The following C3orf33 variants were observed in gnomAD, a reference collection of about 807,000 sequenced individuals.
C3orf33 encodes the protein AP-1 activity suppressor.
Under a neutral mutation model 28.7 loss-of-function variants are expected in C3orf33, and 23 were observed. That is an observed-to-expected ratio of 0.80 (90% CI 0.58 to 1.13). C3orf33 has a LOEUF of 1.13. C3orf33 is among the 50% of genes most tolerant of loss of function. The probability of loss-of-function intolerance (pLI) is 0.00; values close to 1 mark genes in which losing one functional copy is unlikely to be tolerated. For synonymous variants in C3orf33, 119 were observed against 120.5 expected, an observed-to-expected ratio of 0.99 and a Z score of 0.08; for missense variants, 327 against 353.4, an observed-to-expected ratio of 0.93 and a Z score of 0.60.
chr3:155,790,420 A>G (rs1444215148), intron 2 of C3orf33, among the ~76,000 whole-genome samples: 1 of 152,124 alleles, frequency 6.6e-6, no homozygotes, highest in African/African-American at 2.4e-5. Context: ...AATTAAAAAA[A>G]GAAAAAGAAA....
intron 2 of C3orf33, among the ~76,000 whole-genome samples, chr3:155,789,332 G>C (rs1463175357): frequency 7.6e-6 from 1 of 131,914 alleles, no homozygotes; most frequent in East Asian, 2.2e-4. Context: ...GCAACAGAGT[G>C]AGACTCTGTC....
intron 2 of C3orf33, among the ~76,000 whole-genome samples, chr3:155,801,423 C>T (rs146591583): frequency 6.6e-6 from 1 of 152,160 alleles, no homozygotes; most frequent in Non-Finnish European, 1.5e-5. Context: ...TTTGTATATG[C>T]ATGTTCATAG....
At chr3:155,784,872 TC>T (rs2109267147) in intron 2 of C3orf33, among the ~76,000 whole-genome samples, 1 of 151,814 alleles carries the variant, frequency 6.6e-6, no homozygotes, top group South Asian at 2.1e-4. Flanking sequence ...CAGAAGTCCC[TC>T]CTTATCATTA....
intron 3 of C3orf33, 73 bp from the exon 4 acceptor site, chr3:155,767,742 C>T (rs1750457249): frequency 9.5e-7 from 1 of 1,049,638 alleles, no homozygotes; most frequent in African/African-American, 1.6e-5. Flanking sequence ...CAGTTGGCCT[C>T]CAACAAACAA....
intron 2 of C3orf33, among the ~76,000 whole-genome samples, chr3:155,781,464 T>C (rs555038871): frequency 4.1e-4 from 62 of 152,232 alleles, no homozygotes; most frequent in African/African-American, 1.4e-3. Flanking sequence ...AGTAAGTCAC[T>C]ATTACTTAAA....
rs932154681 is a variant in C3orf33 at position 155,806,241 on chromosome 3, C to T, written c.12G>A (p.Gln4=). The change falls in exon 1 of 5, where the codon CAG becomes CAA. Residue 4 remains glutamine, a synonymous_variant. Transcript: ENST00000340171. The part of the protein sequence containing the change: MAG[Q]PAATGSPSAD... Reference sequence around the variant, plus strand: ...CAGACGGCGAGCCGGTGGCCGCGGGCTGCCCCGCCATGTTCCCGGCCTCCT... The same window carrying T: ...CAGACGGCGAGCCGGTGGCCGCGGGTTGCCCCGCCATGTTCCCGGCCTCCT... 1.4e-6 allele frequency: 2 copies of T among 1,461,104 alleles called. No homozygotes were observed. The highest frequency in any genetic ancestry group is 9.0e-7 in the Non-Finnish European group (1 of 1,105,474). The allele number at this position is 1,461,104 out of a possible 1,614,324, so 90.5% of individuals were successfully genotyped here.
chr3:155,768,481 TGAA>T (rs1750481120), intron 3 of C3orf33, among the ~76,000 whole-genome samples: 1 of 152,222 alleles, frequency 6.6e-6, no homozygotes, highest in South Asian at 2.1e-4. Flanking sequence ...TAGCATAATA[TGAA>T]GAAGACCTGT....
intron 2 of C3orf33, among the ~76,000 whole-genome samples, chr3:155,790,264 A>G (rs1230650172): frequency 1.3e-5 from 2 of 151,374 alleles, no homozygotes; most frequent in Non-Finnish European, 2.9e-5. Context: ...ATCTAACACT[A>G]TATAAAAAAA....
chr3:155,803,142 G>A (rs1338064361), intron 1 of C3orf33, among the ~76,000 whole-genome samples: 4 of 152,150 alleles, frequency 2.6e-5, no homozygotes, highest in African/African-American at 9.7e-5. Context: ...ATTAAGCGAT[G>A]TTTTTAAAGT....
intron 2 of C3orf33, among the ~76,000 whole-genome samples, chr3:155,783,780 TAA>T: frequency 6.6e-6 from 1 of 152,224 alleles, no homozygotes. Flanking sequence ...ACTACATTTT[TAA>T]AAGAGACAAT....
chr3:155,776,436 G>C (rs758957655), intron 2 of C3orf33, among the ~76,000 whole-genome samples: 1 of 152,004 alleles, frequency 6.6e-6, no homozygotes, highest in African/African-American at 2.4e-5. Flanking sequence ...TTTTTTCCAC[G>C]TTAACAATAC....
Position 155,775,816 on chromosome 3 carries a change from T to A in C3orf33, c.207A>T (p.Pro69=), listed in dbSNP as rs546184192. 1.9e-6 allele frequency: 3 copies of A among 1,595,712 alleles called. No individual in the cohort carries two copies. The highest frequency in any genetic ancestry group is 2.6e-6 in the Non-Finnish European group (3 of 1,166,008). ...TSKFTSSSDI[P]VEFIRRNVKL... ...TAACATTTCTTCTTATAAATTCTAC[T>A]GGAATATCCGAAGAGCTTGTAAATT... is the stretch of plus-strand genomic sequence containing the variant. Residue 69 remains proline (P), a synonymous_variant, in exon 3 of 5, where the codon CCA becomes CCT. Transcript: ENST00000340171.
At chr3:155,772,934 C>T (rs1750635976) in intron 3 of C3orf33, among the ~76,000 whole-genome samples, 1 of 151,880 alleles carries the variant, frequency 6.6e-6, no homozygotes, top group Admixed American at 6.6e-5. Context: ...AACCACAGAC[C>T]AAAAGTAGAA....
chr3:155,793,927 G>C (rs1041136890), intron 2 of C3orf33, among the ~76,000 whole-genome samples: 8 of 150,998 alleles, frequency 5.3e-5, no homozygotes, highest in African/African-American at 1.9e-4. Flanking sequence ...ACAAAGTATA[G>C]AGTTTTTTTA....
At chr3:155,782,629 C>A (rs998526177) in intron 2 of C3orf33, among the ~76,000 whole-genome samples, 3 of 152,014 alleles carry the variant, frequency 2.0e-5, no homozygotes, top group Non-Finnish European at 4.4e-5. Context: ...AACTATAAAC[C>A]AAGAATATTA....
chr3:155,768,924 C>A (rs1329555616), intron 3 of C3orf33, among the ~76,000 whole-genome samples: 6 of 152,086 alleles, frequency 3.9e-5, no homozygotes, highest in Admixed American at 3.3e-4. Context: ...TCCTGTAATC[C>A]CAGCACTTTG....
Position 155,763,750 on chromosome 3 carries a change from C to A in C3orf33, c.652G>T (p.Glu218Ter). The part of the protein sequence containing the change: ...ALKKGEGIWK[E>*]DSEKESYLEK... ...AAGTAACTTTCTTTTTCAGAGTCTTCCTTCCATATTCCTTCTCCTTTTTTT... is the reference window on the plus strand; with the variant it reads ...AAGTAACTTTCTTTTTCAGAGTCTTACTTCCATATTCCTTCTCCTTTTTTT... The change falls in exon 5 of 5, where the codon GAA (glutamate) becomes TAA (stop). Residue 218 changes from glutamate (E) to a stop codon, truncating the protein, a stop_gained. Coordinates refer to ENST00000340171, the MANE Select transcript of C3orf33 (RefSeq NM_001308229.2). LOFTEE classifies it high-confidence loss of function. 1 of 1,604,150 alleles carries A rather than the reference C, an allele frequency of 6.2e-7. No homozygotes were observed. The highest frequency in any genetic ancestry group is 2.2e-5 in the East Asian group (1 of 44,696).
At chr3:155,797,772 G>A (rs554865235) in intron 2 of C3orf33, among the ~76,000 whole-genome samples, 4 of 152,174 alleles carry the variant, frequency 2.6e-5, no homozygotes, top group South Asian at 2.1e-4. Context: ...TTTCTACATC[G>A]AAAACTATAA....
chr3:155,772,475 CTA>C (rs1750619996), intron 3 of C3orf33, among the ~76,000 whole-genome samples: 1 of 151,918 alleles, frequency 6.6e-6, no homozygotes, highest in African/African-American at 2.4e-5. Context: ...GTAAACAACT[CTA>C]GATCTACAAA....
Sources: gnomAD v4.1 joint callset for allele counts (sites outside exome capture counted in the v4.1 genomes callset) on GRCh38, gnomAD v4.1.1 for gene constraint, MANE v1.5 for transcripts, NCBI Gene and HGNC (gene_info 2026-07-23, HGNC 2026-07-21) for gene names.